FAM131C: variants seen among roughly 807,000 people sequenced by gnomAD.
FAM131C encodes family with sequence similarity 131 member C.
A neutral mutation model predicts 29.8 loss-of-function variants in FAM131C; 14 were observed. The observed-to-expected ratio is 0.47, with a 90% CI of 0.31 to 0.73. FAM131C has a LOEUF of 0.73. FAM131C is among the 30% of genes least tolerant of loss of function. The pLI is 0.05. For missense variants in FAM131C, 252 were observed against 383.8 expected, an observed-to-expected ratio of 0.66 and a Z score of 2.87; for synonymous variants, 86 against 157.8, an observed-to-expected ratio of 0.54 and a Z score of 3.41.
chr1:16,059,425 G>A, intron 6 of FAM131C, 69 bp downstream of exon 6: 4 of 1,570,294 alleles, frequency 2.5e-6, no homozygotes, highest in Non-Finnish European at 3.5e-6. Flanking sequence ...ACTGCCTTTG[G>A]TGATGGGCAG....
At chr1:16,067,917 G>A (rs777119560) in intron 1 of FAM131C, among the ~76,000 whole-genome samples, 2 of 152,184 alleles carry the variant, frequency 1.3e-5, no homozygotes, top group Non-Finnish European at 2.9e-5. Context: ...TCTACCCCAA[G>A]AGTGCCTCCC....
At chr1:16,068,350 A>G (rs971287066) in intron 1 of FAM131C, among the ~76,000 whole-genome samples, 1 of 152,234 alleles carries the variant, frequency 6.6e-6, no homozygotes, top group Non-Finnish European at 1.5e-5. Context: ...GGCTGCAGCA[A>G]GGAGGAAGCA....
chr1:16,065,422 C>CGCCAG (rs2023669503), intron 1 of FAM131C, among the ~76,000 whole-genome samples: 1 of 152,228 alleles, frequency 6.6e-6, no homozygotes. Context: ...ACTCTCTGCC[C>CGCCAG]GCCAGCGGAG....
At chr1:16,062,049 G>C in intron 4 of FAM131C, 50 bp downstream of exon 4, 1 of 1,582,756 alleles carries the variant, frequency 6.3e-7, no homozygotes, top group Non-Finnish European at 8.6e-7. Context: ...CAGGGTCTAG[G>C]GTGGGACCGT....
rs567502948 is a variant in FAM131C, at chr1:16,057,952, G to A, written c.*485C>T. ...ACAGATGTCCTGGGTGAAGAGAGCC[G>A]GGGAGCAGGTGCTTAGCTACCAGAA... On this transcript the variant is annotated 3_prime_UTR_variant, in exon 7 of 7. Transcript: ENST00000375662. 1,289 of 158,424 alleles carry A rather than the reference G, an allele frequency of 8.1e-3. No homozygotes were observed. The highest frequency in any genetic ancestry group is 0.013 in the Non-Finnish European group (956 of 71,768). The allele number at this position is 158,424 out of a possible 1,614,324, so 9.8% of individuals were successfully genotyped here.
At chr1:16,068,941 C>T (rs1242205606) in intron 1 of FAM131C, among the ~76,000 whole-genome samples, 5 of 152,164 alleles carry the variant, frequency 3.3e-5, no homozygotes, top group Non-Finnish European at 7.3e-5. Context: ...AGTGATTTGC[C>T]GCCACTGTTT....
intron 2 of FAM131C, among the ~76,000 whole-genome samples, chr1:16,062,841 C>T (rs2023622795): frequency 6.6e-6 from 1 of 152,258 alleles, no homozygotes; most frequent in Admixed American, 6.5e-5. Context: ...CCGAACACGT[C>T]TCTTCCTCTG....
intron 1 of FAM131C, among the ~76,000 whole-genome samples, chr1:16,072,883 A>T (rs2023767258): frequency 1.3e-5 from 2 of 151,202 alleles, no homozygotes; most frequent in South Asian, 4.2e-4. Context: ...GGGGAGGAGG[A>T]TTAGGGGGCA....
Position 16,065,711 on chromosome 1 carries a change from C to A in FAM131C, c.23-2075G>T, listed in dbSNP as rs1200872733. ...TTCACTTACCCTCCGGAGTACCCTGCAGGACCAGGCTGAGGCCAGGCCTGA... is the reference window on the plus strand; with the variant it reads ...TTCACTTACCCTCCGGAGTACCCTGAAGGACCAGGCTGAGGCCAGGCCTGA... On this transcript the variant is annotated intron_variant, in intron 1 of 6. Transcript: ENST00000375662. Among the ~76,000 whole-genome samples the A allele has an allele frequency of 2.0e-5, 3 of 152,196 alleles. No homozygotes were observed. The East Asian group carries it at 5.8e-4, about 29-fold the overall frequency.
chr1:16,067,890 A>C (rs930192632), intron 1 of FAM131C, among the ~76,000 whole-genome samples: 4 of 152,084 alleles, frequency 2.6e-5, no homozygotes, highest in Admixed American at 1.3e-4. Context: ...CCAACCCATT[A>C]GTCACCATGG....
At position 16,071,007 on chromosome 1, in the gene FAM131C, A is replaced by T. The variant is rs532603126; in HGVS notation, c.22+2414T>A. On this transcript the variant is annotated intron_variant, in intron 1 of 6. Transcript: ENST00000375662. ...TGGCTGGGTGGCCCCAGCTGGGTGC[A>T]AGCTCTGGGCTCAGTATGGGCATCA... is the stretch of plus-strand genomic sequence containing the variant. 3.4e-4 allele frequency among the ~76,000 whole-genome samples: 52 copies of T among 152,354 alleles called. 2 individuals are homozygous for T. The highest frequency in any genetic ancestry group is 2.4e-3 in the Admixed American group (37 of 15,308).
At chr1:16,062,397 C>CCCCCCCCCCCCCCCCCCA in intron 3 of FAM131C, 102 bp downstream of exon 3, 1 of 1,396,418 alleles carries the variant, frequency 7.2e-7, no homozygotes, top group Non-Finnish European at 9.5e-7. Flanking sequence ...CCCCCCCCGC[C>CCCCCCCCCCCCCCCCCCA]CCAGGGCCAG....
In FAM131C at chr1:16,072,048, T is replaced by C. The variant is rs555551138; in HGVS notation, c.22+1373A>G. Among the ~76,000 whole-genome samples, 4 of 152,280 alleles carry C rather than the reference T, an allele frequency of 2.6e-5. No individual in the cohort carries two copies. The South Asian group carries it at 8.3e-4, about 32-fold the overall frequency. On this transcript the variant is annotated intron_variant, in intron 1 of 6. Coordinates refer to ENST00000375662, the MANE Select transcript of FAM131C (RefSeq NM_182623.3). ...GCTCCTAAAGAACCCTCAGCACTCC[T>C]CACTCTTCAAACTTCCTTCCCCTCC...
At chr1:16,063,113 T>C (rs1427841149) in intron 2 of FAM131C, among the ~76,000 whole-genome samples, 4 of 147,942 alleles carry the variant, frequency 2.7e-5, no homozygotes, top group Non-Finnish European at 4.5e-5. Context: ...TTTTAATATA[T>C]ATAATATATA....
chr1:16,068,942 G>A (rs556754822), intron 1 of FAM131C, among the ~76,000 whole-genome samples: 2 of 152,260 alleles, frequency 1.3e-5, no homozygotes, highest in South Asian at 2.1e-4. Context: ...GTGATTTGCC[G>A]CCACTGTTTA....
intron 3 of FAM131C, 111 bp downstream of exon 3, chr1:16,062,388 C>T (rs905597768): frequency 7.3e-6 from 9 of 1,227,660 alleles, no homozygotes; most frequent in African/African-American, 3.4e-5. Flanking sequence ...AGGCCCCCCC[C>T]CCCCCCGCCC....
At chr1:16,064,839 G>T (rs1014383504) in intron 1 of FAM131C, among the ~76,000 whole-genome samples, 6 of 152,220 alleles carry the variant, frequency 3.9e-5, no homozygotes, top group African/African-American at 7.2e-5. Context: ...GAAAATCCGT[G>T]GGGCCAACTC....
intron 1 of FAM131C, among the ~76,000 whole-genome samples, chr1:16,071,190 A>G (rs1327123174): frequency 7.9e-5 from 12 of 152,210 alleles, no homozygotes; most frequent in Admixed American, 7.8e-4. Flanking sequence ...GGGGCTCAGG[A>G]GCCCACAGCA....
At position 16,059,862 on chromosome 1, in the gene FAM131C, C is replaced by T. The variant is rs771469375; in HGVS notation, c.451+7G>A. On this transcript the variant is annotated splice_region_variant and intron_variant, in intron 5 of 6. Transcript: ENST00000375662. ...CAGAGCCCTGGCCAGTCCCCCTCCT[C>T]GCTGACCTGCAGCAAAGCGGGCCTC... 12 of 1,171,898 alleles carry T rather than the reference C, an allele frequency of 1.0e-5. No homozygotes were observed. In the Admixed American group the frequency reaches 2.3e-4, roughly 22 times the overall value. 72.6% of individuals were successfully genotyped at this position (1,171,898 alleles called of 1,614,324 possible). A position where few individuals can be genotyped will look rare whatever the true frequency, so the allele number is the denominator to read the frequency against.
Sources: gnomAD v4.1 joint callset for allele counts (sites outside exome capture counted in the v4.1 genomes callset) on GRCh38, gnomAD v4.1.1 for gene constraint, MANE v1.5 for transcripts, NCBI Gene and HGNC (gene_info 2026-07-23, HGNC 2026-07-21) for gene names.